Variants in CBX5 observed in about 807,000 individuals in gnomAD.
CBX5 encodes the protein chromobox 5, also known as chromobox protein homolog 5.
In CBX5, 7 loss-of-function variants were observed where a neutral mutation model predicts 20.7. The ratio of observed to expected loss-of-function variants is 0.34; its 90% CI spans 0.19 to 0.63. CBX5 has a LOEUF of 0.63. Ranked by LOEUF, CBX5 falls within the 30% of genes least tolerant of loss-of-function variation. The pLI is 0.75. For missense variants in CBX5, 110 were observed against 224.1 expected, an observed-to-expected ratio of 0.49 and a Z score of 3.25; for synonymous variants, 78 against 77.0, an observed-to-expected ratio of 1.01 and a Z score of -0.07.
intron 3 of CBX5, among the ~76,000 whole-genome samples, chr12:54,247,421 C>G (rs2137013505): frequency 6.6e-6 from 1 of 152,292 alleles, no homozygotes; most frequent in Non-Finnish European, 1.5e-5. Context: ...GCTACTCCGA[C>G]TCAGGAGGCT....
intron 1 of CBX5, among the ~76,000 whole-genome samples, chr12:54,264,124 C>G (rs1943938774): frequency 1.3e-5 from 2 of 152,220 alleles, no homozygotes; most frequent in Non-Finnish European, 2.9e-5. Context: ...TGGTATCTGT[C>G]TGCTTTGTCC....
Position 54,234,619 on chromosome 12 carries a change from T to C in CBX5, c.*7136A>G, listed in dbSNP as rs1943601380. On this transcript the variant is annotated 3_prime_UTR_variant, in exon 5 of 5. Transcript: ENST00000209875. ...AGGTTTTGATCTATTGTGACATTAATGATCACAATCAGTTGACTTTGAAAT... is the reference window on the plus strand; with the variant it reads ...AGGTTTTGATCTATTGTGACATTAACGATCACAATCAGTTGACTTTGAAAT... 6.6e-6 allele frequency: 1 copy of C among 152,254 alleles called. No homozygotes were observed. The highest frequency in any genetic ancestry group is 2.4e-5 in the African/African-American group (1 of 41,464). 9.4% of individuals were successfully genotyped at this position (152,254 alleles called of 1,614,324 possible). A position where few individuals can be genotyped will look rare whatever the true frequency, so the allele number is the denominator to read the frequency against.
At chr12:54,246,320 C>A (rs1943735488) in intron 3 of CBX5, 105 bp from the exon 4 acceptor site, 1 of 828,584 alleles carries the variant, frequency 1.2e-6, no homozygotes, top group Non-Finnish European at 1.9e-6. Context: ...CTCCTGATAT[C>A]ATTTCTTTCA....
chr12:54,272,857 C>T (rs1453726238), intron 1 of CBX5: 1 of 152,218 alleles, frequency 6.6e-6, no homozygotes, highest in Non-Finnish European at 1.5e-5. Flanking sequence ...TTATCCAACT[C>T]CTTCCCTATA....
rs539000688 is a variant in CBX5 at position 54,237,316 on chromosome 12, C to T, written c.*4439G>A. ...TAAGTGGGAAAAACAAACAAACAAA[C>T]AAAAAACCCCAGCAAATAAAGGATT... is the stretch of plus-strand genomic sequence containing the variant. On this transcript the variant is annotated 3_prime_UTR_variant, in exon 5 of 5. Coordinates refer to ENST00000209875, the MANE Select transcript of CBX5 (RefSeq NM_012117.3). The T allele has an allele frequency of 6.6e-6, 1 of 152,100 alleles. No individual in the cohort carries two copies. The highest frequency in any genetic ancestry group is 6.5e-5 in the Admixed American group (1 of 15,276). The allele number at this position is 152,100 out of a possible 1,614,324, so 9.4% of individuals were successfully genotyped here. A position where few individuals can be genotyped will look rare whatever the true frequency, so the allele number is the denominator to read the frequency against.
At chr12:54,249,212 T>C (rs1478162085) in intron 3 of CBX5, among the ~76,000 whole-genome samples, 1 of 151,900 alleles carries the variant, frequency 6.6e-6, no homozygotes, top group African/African-American at 2.4e-5. Flanking sequence ...CTACTAAAAA[T>C]ACAAAAAATT....
intron 1 of CBX5, among the ~76,000 whole-genome samples, chr12:54,264,749 A>G (rs1943942826): frequency 6.6e-6 from 1 of 152,118 alleles, no homozygotes. Context: ...AGGCTGAGGT[A>G]GGAGAATCGC....
At chr12:54,271,753 C>G (rs1373940028) in intron 1 of CBX5, 1 of 152,112 alleles carries the variant, frequency 6.6e-6, no homozygotes, top group Non-Finnish European at 1.5e-5. Context: ...GTTATTTGCC[C>G]TATCTCATAA....
intron 2 of CBX5, among the ~76,000 whole-genome samples, chr12:54,256,664 G>C (rs2137021041): frequency 6.6e-6 from 1 of 151,698 alleles, no homozygotes; most frequent in East Asian, 1.9e-4. Context: ...TCAAGTCTTA[G>C]CACACACACA....
At chr12:54,257,282 C>A (rs927760997) in intron 2 of CBX5, among the ~76,000 whole-genome samples, 1 of 152,124 alleles carries the variant, frequency 6.6e-6, no homozygotes, top group South Asian at 2.1e-4. Flanking sequence ...ATCTGACTCT[C>A]GAGTCTGTGC....
chr12:54,279,630 C>T (rs1387318242), intron 1 of CBX5, among the ~76,000 whole-genome samples: 1 of 152,168 alleles, frequency 6.6e-6, no homozygotes, highest in Non-Finnish European at 1.5e-5. Context: ...ATCCCGCATT[C>T]CCCATTGGAG....
chr12:54,246,796 AAAAAG>A (rs1214826357), intron 3 of CBX5, among the ~76,000 whole-genome samples: 3 of 151,718 alleles, frequency 2.0e-5, no homozygotes, highest in African/African-American at 7.3e-5. Flanking sequence ...AAAAAAAAAA[AAAAAG>A]AAAAGGGGCG....
intron 1 of CBX5, among the ~76,000 whole-genome samples, chr12:54,274,652 C>T (rs1268149602): frequency 6.6e-6 from 1 of 152,076 alleles, no homozygotes; most frequent in Non-Finnish European, 1.5e-5. Context: ...TTAAAGACCT[C>T]AATAGAGCCG....
intron 1 of CBX5, among the ~76,000 whole-genome samples, chr12:54,267,302 G>T (rs1230549229): frequency 6.6e-6 from 1 of 152,126 alleles, no homozygotes; most frequent in Non-Finnish European, 1.5e-5. Context: ...AGGATTAAAA[G>T]AATACTGAAA....
chr12:54,264,320 T>A (rs993949817), intron 1 of CBX5, among the ~76,000 whole-genome samples: 10 of 152,174 alleles, frequency 6.6e-5, no homozygotes, highest in African/African-American at 2.4e-4. Context: ...CATGCCTGGC[T>A]ACATTTTTTT....
intron 2 of CBX5, among the ~76,000 whole-genome samples, chr12:54,253,370 G>A (rs1350372871): frequency 6.6e-6 from 1 of 151,878 alleles, no homozygotes; most frequent in Non-Finnish European, 1.5e-5. Flanking sequence ...AGCCAAGACT[G>A]CACCACTGCA....
intron 1 of CBX5, among the ~76,000 whole-genome samples, chr12:54,266,515 G>A (rs1481841238): frequency 6.6e-6 from 1 of 152,176 alleles, no homozygotes; most frequent in East Asian, 1.9e-4. Flanking sequence ...CTTAGGCCCA[G>A]AGTTCAAGAC....
chr12:54,255,255 T>TG (rs2137019964), intron 2 of CBX5, among the ~76,000 whole-genome samples: 1 of 152,216 alleles, frequency 6.6e-6, no homozygotes, highest in Admixed American at 6.5e-5. Flanking sequence ...AGTGAGACCC[T>TG]GTCTCTATTT....
chr12:54,246,089 G>A (rs907132135), intron 4 of CBX5, 26 bp downstream of exon 4: 6 of 1,503,178 alleles, frequency 4.0e-6, no homozygotes, highest in Non-Finnish European at 5.6e-6. Flanking sequence ...AAACACAATT[G>A]TAAAGCGAAG....
Sources: allele counts gnomAD v4.1 joint callset (sites outside exome capture counted in the v4.1 genomes callset), GRCh38; gene constraint gnomAD v4.1.1; transcripts MANE v1.5; gene names NCBI Gene and HGNC (gene_info 2026-07-23, HGNC 2026-07-21).